The following MTTP variants were observed in gnomAD, a reference collection of about 807,000 sequenced individuals.
The protein encoded by MTTP is microsomal triglyceride transfer protein large subunit.
In MTTP, 49 loss-of-function variants were observed where a neutral mutation model predicts 90.6. The observed-to-expected ratio is 0.54, with a 90% confidence interval of 0.43 to 0.69. The LOEUF (loss-of-function observed/expected upper bound fraction) is 0.69. Among genes scored for constraint, MTTP ranks in the 30% least tolerant of loss-of-function variants. The probability of loss-of-function intolerance (pLI) is 0.00; values close to 1 mark genes in which losing one functional copy is unlikely to be tolerated. For synonymous variants in MTTP, 347 were observed against 384.2 expected, an observed-to-expected ratio of 0.90 and a Z score of 1.13; for missense variants, 945 against 1,067.5, an observed-to-expected ratio of 0.89 and a Z score of 1.60.
At chr4:99,568,664 C>A (rs28789770) in intron 1 of MTTP, among the ~76,000 whole-genome samples, 6 of 151,818 alleles carry the variant, frequency 4.0e-5, no homozygotes, top group African/African-American at 1.5e-4. Context: ...CACAAGATGA[C>A]CTGGGAGCAT....
chr4:99,585,983 T>G (rs941953230), intron 3 of MTTP, among the ~76,000 whole-genome samples: 3 of 152,096 alleles, frequency 2.0e-5, no homozygotes, highest in Non-Finnish European at 4.4e-5. Context: ...ACAGGCAGAG[T>G]AAGGCTATGG....
rs2110212664 is a variant in MTTP, at chr4:99,583,415, A to C, written c.291A>C (p.Gly97=). ...VNVENVNQQR[G]EKSIFKGKSP... ...TTGAAAATGTGAATCAGCAGAGAGG[A>C]GAGAAGAGCATCTTCAAAGGAAAAA... The change falls in exon 3 of 18, where the codon GGA becomes GGC. Residue 97 remains glycine (G), a synonymous_variant. Coordinates refer to ENST00000265517, the MANE Select transcript of MTTP (RefSeq NM_001386140.1). 6.2e-7 allele frequency: 1 copy of C among 1,613,444 alleles called. No individual in the cohort carries two copies. Among genetic ancestry groups the C allele is most frequent in the South Asian group, 1.1e-5 (1 of 91,040 alleles).
In MTTP at chr4:99,582,098, C is replaced by T. The variant is rs748964894; in HGVS notation, c.249+6C>T. 2 of 1,613,940 alleles carry T rather than the reference C, an allele frequency of 1.2e-6. No individual in the cohort carries two copies. The highest frequency in any genetic ancestry group is 1.3e-5 in the African/African-American group (1 of 75,012). ...ACCAGTTGATCCAAATAACGGTGGG[C>T]ATTTTCTACCAGATAAATGCAAAGA... On this transcript the variant is annotated splice_donor_region_variant and intron_variant, in intron 2 of 17. Coordinates refer to ENST00000265517, the MANE Select transcript of MTTP (RefSeq NM_001386140.1).
upstream of MTTP, chr4:99,570,672 G>T (rs1175613134): frequency 6.6e-6 from 3 of 455,238 alleles, no homozygotes; most frequent in Non-Finnish European, 1.3e-5. Context: ...CAGACCTCAG[G>T]GTAAAAAGAT....
At position 99,581,621 on chromosome 4, in the gene MTTP, C is replaced by T. The variant is rs115773414; in HGVS notation, c.62-284C>T. On this transcript the variant is annotated intron_variant, in intron 1 of 17. Transcript: ENST00000265517. ...TAAGAGAAATACAATGGCATTTAAACAAAAAAAAACCCAAAATATCTATAG... is the reference window on the plus strand; with the variant it reads ...TAAGAGAAATACAATGGCATTTAAATAAAAAAAAACCCAAAATATCTATAG... Among the ~76,000 whole-genome samples, 1,480 of 150,844 alleles carry T rather than the reference C, an allele frequency of 9.8e-3. 26 individuals are homozygous for T. Among genetic ancestry groups the T allele is most frequent in the African/African-American group, 0.034 (1,412 of 41,130 alleles).
intron 1 of MTTP, among the ~76,000 whole-genome samples, chr4:99,565,767 C>A (rs1160003259): frequency 6.6e-6 from 1 of 152,094 alleles, no homozygotes; most frequent in East Asian, 1.9e-4. Context: ...TTTGTTTCAT[C>A]TTGGAAAGTA....
chr4:99,618,903 G>T, intron 15 of MTTP, 71 bp from the exon 16 acceptor site: 1 of 1,573,624 alleles, frequency 6.4e-7, no homozygotes, highest in Non-Finnish European at 8.7e-7. Context: ...GGTCAAATGT[G>T]CCATTGGAAA....
At chr4:99,578,709 G>A (rs767356191) in intron 1 of MTTP, among the ~76,000 whole-genome samples, 3 of 152,120 alleles carry the variant, frequency 2.0e-5, no homozygotes, top group African/African-American at 7.2e-5. Context: ...CAAATGTTTC[G>A]TAGTTATTTT....
At chr4:99,597,043 G>A (rs770051406) in intron 7 of MTTP, 24 bp from the exon 8 acceptor site, 2 of 1,612,966 alleles carry the variant, frequency 1.2e-6, no homozygotes, top group Non-Finnish European at 8.5e-7. Context: ...AGTGGGGTAT[G>A]AGCCTGCAGT....
At chr4:99,571,019 G>T (rs1203353429), upstream of MTTP, among the ~76,000 whole-genome samples, 3 of 151,866 alleles carry the variant, frequency 2.0e-5, no homozygotes, top group African/African-American at 7.2e-5. Context: ...GTGGTAATTT[G>T]TTATGGTAGC....
chr4:99,571,518 T>G (rs996459245), upstream of MTTP, among the ~76,000 whole-genome samples: 58 of 151,902 alleles, frequency 3.8e-4, 1 homozygote, highest in Admixed American at 3.7e-3. Flanking sequence ...TTTTTTTGGT[T>G]GTTGTCAAAT....
chr4:99,615,770 G>T (rs991606274), intron 15 of MTTP, among the ~76,000 whole-genome samples: 2 of 152,188 alleles, frequency 1.3e-5, no homozygotes, highest in Non-Finnish European at 2.9e-5. Flanking sequence ...TTAATAAGGG[G>T]ATCCTCTTTA....
Position 99,619,021 on chromosome 4 carries a change from T to G in MTTP, c.2265T>G (p.Gly755=), listed in dbSNP as rs749094912. Residue 755 remains glycine (G), a synonymous_variant, in exon 16 of 18, where the codon GGT becomes GGG. Transcript: ENST00000265517. The part of the protein sequence containing the change: ...SGLKANIEVQ[G]GLAIDISGAM... Reference sequence around the variant, plus strand: ...TAAAAGCCAATATAGAGGTCCAGGGTGGTCTAGCTATTGATATTTCAGGTG... The same window carrying G: ...TAAAAGCCAATATAGAGGTCCAGGGGGGTCTAGCTATTGATATTTCAGGTG... 1.2e-5 allele frequency: 19 copies of G among 1,613,516 alleles called. No individual in the cohort carries two copies. The highest frequency in any genetic ancestry group is 1.5e-5 in the Non-Finnish European group (18 of 1,179,656).
At chr4:99,571,147 AT>A (rs1724833085), upstream of MTTP, among the ~76,000 whole-genome samples, 1 of 151,754 alleles carries the variant, frequency 6.6e-6, no homozygotes, top group Non-Finnish European at 1.5e-5. Context: ...TCTCTTTAAC[AT>A]TTTTTATTTT....
rs752279560 is a variant in MTTP at position 99,600,553 on chromosome 4, C to CT, written c.1068-5dup. 14 of 1,612,196 alleles carry CT rather than the reference C, an allele frequency of 8.7e-6. No individual in the cohort carries two copies. In the African/African-American group the frequency reaches 1.6e-4, roughly 18 times the overall value. On this transcript the variant is annotated splice_polypyrimidine_tract_variant and intron_variant, in intron 8 of 17. Transcript: ENST00000265517. ...TAAACATTGATATCCATGATTATGCCTTTTTTTATAGACCTCAGCTGGTGG... is the reference window on the plus strand; with the variant it reads ...TAAACATTGATATCCATGATTATGCCTTTTTTTTATAGACCTCAGCTGGTGG...
chr4:99,611,562 G>T, intron 14 of MTTP, 109 bp downstream of exon 14: 2 of 1,422,036 alleles, frequency 1.4e-6, no homozygotes, highest in Non-Finnish European at 2.0e-6. Flanking sequence ...TAAGTTAATG[G>T]TGGCTTCTGT....
intron 8 of MTTP, among the ~76,000 whole-genome samples, chr4:99,598,269 T>C (rs1478526278): frequency 2.6e-5 from 4 of 152,134 alleles, no homozygotes; most frequent in African/African-American, 9.7e-5. Context: ...TTAAAATATA[T>C]TGGTAGAGGG....
chr4:99,614,996 GT>G (rs1404055323), intron 15 of MTTP, among the ~76,000 whole-genome samples: 1 of 152,176 alleles, frequency 6.6e-6, no homozygotes, highest in East Asian at 1.9e-4. Flanking sequence ...CACAATTCCA[GT>G]TTTAATGAAA....
At position 99,611,126 on chromosome 4, in the gene MTTP, T is replaced by C. The variant is rs1725939281; in HGVS notation, c.1770-17T>C. ...TTACAATGAATGTGCAGCTTTTTTTTTCCTCATATGTTGCAGCAAAATTGT... is the reference window on the plus strand; with the variant it reads ...TTACAATGAATGTGCAGCTTTTTTTCTCCTCATATGTTGCAGCAAAATTGT... On this transcript the variant is annotated splice_polypyrimidine_tract_variant and intron_variant, in intron 12 of 17. Coordinates refer to ENST00000265517, the MANE Select transcript of MTTP (RefSeq NM_001386140.1). 1 of 1,606,488 alleles carries C rather than the reference T, an allele frequency of 6.2e-7. No individual in the cohort carries two copies. Among genetic ancestry groups the C allele is most frequent in the Non-Finnish European group, 8.5e-7 (1 of 1,173,150 alleles).
Sources: gnomAD v4.1 joint callset for allele counts (sites outside exome capture counted in the v4.1 genomes callset) on GRCh38, gnomAD v4.1.1 for gene constraint, MANE v1.5 for transcripts, NCBI Gene and HGNC (gene_info 2026-07-23, HGNC 2026-07-21) for gene names.